Variants in PAIP2 observed in about 807,000 individuals in gnomAD.
PAIP2 encodes polyadenylate-binding protein-interacting protein 2.
In PAIP2, 7 loss-of-function variants were observed where a neutral mutation model predicts 14.8. The observed-to-expected ratio is 0.47, with a 90% confidence interval of 0.27 to 0.89. The LOEUF is 0.89. Among genes scored for constraint, PAIP2 ranks in the 40% least tolerant of loss-of-function variants. The probability of loss-of-function intolerance (pLI) is 0.13; values close to 1 mark genes in which losing one functional copy is unlikely to be tolerated. For missense variants in PAIP2, 122 were observed against 154.7 expected (o/e 0.79, Z 1.12); for synonymous variants, 47 against 45.3 (o/e 1.04, Z -0.15).
chr5:139,353,428 G>T (rs1581303953), intron 1 of PAIP2, among the ~76,000 whole-genome samples: 1 of 152,124 alleles, frequency 6.6e-6, no homozygotes. Context: ...ATAGGATGAT[G>T]ATATACCCCA....
intron 1 of PAIP2, 91 bp from the exon 2 acceptor site, chr5:139,363,668 A>C (rs1000013410): frequency 1.8e-6 from 2 of 1,130,830 alleles, no homozygotes; most frequent in Non-Finnish European, 2.5e-6. Context: ...ACACCATTGC[A>C]CTCCAGCCTG....
intron 1 of PAIP2, among the ~76,000 whole-genome samples, chr5:139,356,713 G>A (rs79287307): frequency 1.3e-5 from 2 of 151,580 alleles, no homozygotes; most frequent in Non-Finnish European, 2.9e-5. Flanking sequence ...GTGAAACCCC[G>A]TCTCTACTAA....
At chr5:139,361,566 A>G (rs1229721644) in intron 1 of PAIP2, among the ~76,000 whole-genome samples, 2 of 152,170 alleles carry the variant, frequency 1.3e-5, no homozygotes, top group Non-Finnish European at 2.9e-5. Context: ...TTAGCCTGCA[A>G]TGTATCAATT....
chr5:139,368,692 C>T (rs369028681), intron 3 of PAIP2, 41 bp from the exon 4 acceptor site: 4 of 1,352,352 alleles, frequency 3.0e-6, no homozygotes, highest in Non-Finnish European at 4.2e-6. Flanking sequence ...GTACCTGAAA[C>T]TGTGTTAATG....
chr5:139,350,355 A>G (rs953820406), intron 1 of PAIP2, among the ~76,000 whole-genome samples: 1 of 151,924 alleles, frequency 6.6e-6, no homozygotes, highest in Non-Finnish European at 1.5e-5. Flanking sequence ...ATCACAGGCC[A>G]GGGGCGGTGG....
chr5:139,348,596 A>G (rs566371461), intron 1 of PAIP2, among the ~76,000 whole-genome samples: 138 of 151,578 alleles, frequency 9.1e-4, no homozygotes, highest in African/African-American at 3.2e-3. Context: ...TGACCCCATG[A>G]TCTGCCCACC....
chr5:139,367,295 C>T (rs1757308146), intron 3 of PAIP2: 2 of 152,016 alleles, frequency 1.3e-5, no homozygotes, highest in African/African-American at 4.8e-5. Context: ...CATTTCAGGC[C>T]CTGGAACCTG....
chr5:139,347,648 C>T (rs1006583782), intron 1 of PAIP2, among the ~76,000 whole-genome samples: 3 of 151,882 alleles, frequency 2.0e-5, no homozygotes, highest in South Asian at 2.1e-4. Context: ...TGCTAAATGA[C>T]GAGTTAATGG....
At chr5:139,362,403 G>GTTTT (rs1757092680) in intron 1 of PAIP2, among the ~76,000 whole-genome samples, 3 of 123,620 alleles carry the variant, frequency 2.4e-5, no homozygotes, top group African/African-American at 9.4e-5. Context: ...TTGTTTTTGG[G>GTTTT]TGTTTTTTTT....
chr5:139,348,350 G>T (rs1024988092), intron 1 of PAIP2, among the ~76,000 whole-genome samples: 1 of 150,894 alleles, frequency 6.6e-6, no homozygotes, highest in Admixed American at 6.6e-5. Flanking sequence ...CACCAAGCCT[G>T]GCTAATTTTT....
chr5:139,343,914 C>T (rs1756460097), intron 1 of PAIP2, among the ~76,000 whole-genome samples: 1 of 152,178 alleles, frequency 6.6e-6, no homozygotes. Flanking sequence ...GACAGGGTTT[C>T]ACCGTGTTAG....
intron 1 of PAIP2, among the ~76,000 whole-genome samples, chr5:139,348,250 G>A (rs558365073): frequency 2.2e-4 from 34 of 151,854 alleles, no homozygotes; most frequent in Non-Finnish European, 4.4e-5. Context: ...GTGCAGTGGC[G>A]TGATCTTGGC....
chr5:139,348,355 A>ATTTTT (rs1223212420), intron 1 of PAIP2, among the ~76,000 whole-genome samples: 1 of 136,116 alleles, frequency 7.3e-6, no homozygotes, highest in Non-Finnish European at 1.6e-5. Context: ...AGCCTGGCTA[A>ATTTTT]TTTTTTTTTT....
At chr5:139,358,066 C>G (rs1189564065) in intron 1 of PAIP2, among the ~76,000 whole-genome samples, 1 of 152,034 alleles carries the variant, frequency 6.6e-6, no homozygotes, top group Non-Finnish European at 1.5e-5. Flanking sequence ...AGGGGTCTCA[C>G]TATGTTGCCC....
intron 1 of PAIP2, among the ~76,000 whole-genome samples, chr5:139,348,508 C>G (rs1415501721): frequency 6.6e-6 from 1 of 151,908 alleles, no homozygotes; most frequent in Admixed American, 6.6e-5. Context: ...GTGCCTGCCA[C>G]CATACTTGGC....
At chr5:139,353,812 C>T (rs532756837) in intron 1 of PAIP2, among the ~76,000 whole-genome samples, 6 of 151,754 alleles carry the variant, frequency 4.0e-5, no homozygotes, top group Non-Finnish European at 5.9e-5. Context: ...CTCTGCCTCC[C>T]GGGTTCCAGC....
At chr5:139,358,059 G>T (rs768733114) in intron 1 of PAIP2, among the ~76,000 whole-genome samples, 2 of 152,064 alleles carry the variant, frequency 1.3e-5, no homozygotes, top group Non-Finnish European at 2.9e-5. Flanking sequence ...TAGAGATAGG[G>T]GTCTCACTAT....
At chr5:139,365,856 TATC>T (rs1406378471) in intron 3 of PAIP2, among the ~76,000 whole-genome samples, 2 of 152,206 alleles carry the variant, frequency 1.3e-5, no homozygotes, top group African/African-American at 2.4e-5. Flanking sequence ...CACACAATAT[TATC>T]ATGTTACTTG....
intron 1 of PAIP2, among the ~76,000 whole-genome samples, chr5:139,350,226 G>A (rs1467226931): frequency 6.6e-6 from 1 of 151,712 alleles, no homozygotes; most frequent in Non-Finnish European, 1.5e-5. Context: ...TTCTCAGACT[G>A]GGTCACATAT....
Sources: allele counts gnomAD v4.1 joint callset (sites outside exome capture counted in the v4.1 genomes callset), GRCh38; gene constraint gnomAD v4.1.1; transcripts MANE v1.5; gene names NCBI Gene and HGNC (gene_info 2026-07-23, HGNC 2026-07-21).